Variants in FAM13A observed in about 807,000 individuals in gnomAD.
The protein encoded by FAM13A is family with sequence similarity 13 member A.
A neutral mutation model predicts 129.6 loss-of-function variants in FAM13A; 76 were observed. The ratio of observed to expected loss-of-function variants is 0.59; its 90% CI spans 0.49 to 0.71. The LOEUF is 0.71. Ranked by LOEUF, FAM13A falls within the 30% of genes least tolerant of loss-of-function variation. The probability of loss-of-function intolerance (pLI) is 0.00; values close to 1 mark genes in which losing one functional copy is unlikely to be tolerated. For synonymous variants in FAM13A, 443 were observed against 449.9 expected, an observed-to-expected ratio of 0.98 and a Z score of 0.20; for missense variants, 1,108 against 1,249.3, an observed-to-expected ratio of 0.89 and a Z score of 1.70.
intron 7 of FAM13A, among the ~76,000 whole-genome samples, chr4:88,847,629 T>C (rs974303687): frequency 1.3e-5 from 2 of 152,028 alleles, no homozygotes; most frequent in African/African-American, 4.8e-5. Context: ...TCTGATTGGA[T>C]GAATAAAAAT....
intron 4 of FAM13A, among the ~76,000 whole-genome samples, chr4:88,957,270 G>A (rs561670689): frequency 6.6e-6 from 1 of 152,090 alleles, no homozygotes; most frequent in South Asian, 2.1e-4. Flanking sequence ...AGGTTGCAGT[G>A]AGCTGAGGAG....
intron 6 of FAM13A, among the ~76,000 whole-genome samples, chr4:88,858,647 A>G (rs1435632666): frequency 6.6e-6 from 1 of 152,210 alleles, no homozygotes; most frequent in Non-Finnish European, 1.5e-5. Flanking sequence ...ACAAAAGGAC[A>G]CATATTGTAT....
intron 7 of FAM13A, among the ~76,000 whole-genome samples, chr4:88,828,980 A>G (rs1733470914): frequency 6.6e-6 from 1 of 152,128 alleles, no homozygotes; most frequent in African/African-American, 2.4e-5. Context: ...CAGATTTCTA[A>G]TTTTCTTACA....
At chr4:88,923,767 C>G (rs1425462266) in intron 5 of FAM13A, among the ~76,000 whole-genome samples, 1 of 152,140 alleles carries the variant, frequency 6.6e-6, no homozygotes, top group Non-Finnish European at 1.5e-5. Flanking sequence ...CAAAGTGTCC[C>G]TGTTTGCAGA....
rs1738403737 is a variant in FAM13A at position 88,733,828 on chromosome 4, G to A, written c.2647-1630C>T. ...AACAGAGTTAGGGACAGCTAACAGA[G>A]TTACAAATAAGAACTTAACGACCTT... On this transcript the variant is annotated intron_variant, in intron 21 of 23. Transcript: ENST00000264344. Among the ~76,000 whole-genome samples the A allele has an allele frequency of 2.0e-5, 3 of 152,246 alleles. No individual in the cohort carries two copies. The South Asian group carries it at 6.2e-4, about 31-fold the overall frequency.
intron 7 of FAM13A, among the ~76,000 whole-genome samples, chr4:88,840,838 T>G (rs534172578): frequency 6.6e-6 from 1 of 152,268 alleles, no homozygotes; most frequent in South Asian, 2.1e-4. Flanking sequence ...TTTGAAAAAT[T>G]AGGTTCAGAT....
At chr4:88,781,907 G>T (rs577363613) in intron 10 of FAM13A, among the ~76,000 whole-genome samples, 4 of 150,960 alleles carry the variant, frequency 2.6e-5, no homozygotes, top group South Asian at 2.1e-4. Flanking sequence ...GAGTTAATGG[G>T]TGCAGCACAC....
rs199744313 is a variant in FAM13A, at chr4:88,884,205, A to AC, written c.843+22173_843+22174insG. Among the ~76,000 whole-genome samples the AC allele has an allele frequency of 1.2e-4, 18 of 151,974 alleles. No individual in the cohort carries two copies. The East Asian group carries it at 3.5e-3, about 29-fold the overall frequency. ...ACCAAAACCAGGAAAGGACATAACAAAAAAAAGAAAACAACAGACCAATAT... is the reference window on the plus strand; with the variant it reads ...ACCAAAACCAGGAAAGGACATAACAACAAAAAAGAAAACAACAGACCAATAT... On this transcript the variant is annotated intron_variant, in intron 6 of 23. Coordinates refer to ENST00000264344, the MANE Select transcript of FAM13A (RefSeq NM_014883.4).
At chr4:88,972,985 A>G (rs1358753803) in intron 4 of FAM13A, among the ~76,000 whole-genome samples, 1 of 152,180 alleles carries the variant, frequency 6.6e-6, no homozygotes, top group East Asian at 1.9e-4. Flanking sequence ...TAAATATTTT[A>G]TCCACACTCT....
chr4:88,855,408 C>G (rs1315473089), intron 6 of FAM13A: 3 of 151,756 alleles, frequency 2.0e-5, no homozygotes, highest in South Asian at 2.1e-4. Flanking sequence ...TCTAAATAAC[C>G]AAATTACTAT....
intron 1 of FAM13A, among the ~76,000 whole-genome samples, chr4:89,043,469 C>T (rs1338394453): frequency 6.6e-6 from 1 of 152,064 alleles, no homozygotes; most frequent in Non-Finnish European, 1.5e-5. Context: ...ACCTGAAAGG[C>T]TACTTTGGCC....
chr4:88,733,561 T>C (rs1322849888), intron 21 of FAM13A, among the ~76,000 whole-genome samples: 1 of 152,206 alleles, frequency 6.6e-6, no homozygotes, highest in Non-Finnish European at 1.5e-5. Context: ...AAGGCACACC[T>C]GGGACACTGG....
chr4:88,931,587 C>T (rs932588810), intron 5 of FAM13A, among the ~76,000 whole-genome samples: 2 of 152,138 alleles, frequency 1.3e-5, no homozygotes, highest in African/African-American at 2.4e-5. Context: ...ACTTACTATT[C>T]TGGTCCCTCT....
At chr4:88,931,808 C>G (rs762086946) in intron 5 of FAM13A, among the ~76,000 whole-genome samples, 1 of 152,170 alleles carries the variant, frequency 6.6e-6, no homozygotes, top group Non-Finnish European at 1.5e-5. Flanking sequence ...TAAGTGCCAC[C>G]TCTGAGTTTC....
intron 4 of FAM13A, among the ~76,000 whole-genome samples, chr4:88,967,512 C>T (rs1759508464): frequency 2.0e-5 from 3 of 152,154 alleles, no homozygotes; most frequent in Admixed American, 6.6e-5. Context: ...CATTTTAACT[C>T]TTGTAGTGGG....
In FAM13A at chr4:88,945,964, CTG is replaced by C. The variant is rs763159585; in HGVS notation, c.606-7725_606-7724del. Among the ~76,000 whole-genome samples, 124 of 70,804 alleles carry C rather than the reference CTG, an allele frequency of 1.8e-3. 1 individual carries two copies. Among genetic ancestry groups the C allele is most frequent in the Middle Eastern group, 8.3e-3 (1 of 120 alleles). 46.5% of individuals were successfully genotyped at this position (70,804 alleles called of 152,430 possible). On this transcript the variant is annotated intron_variant, in intron 4 of 23. Coordinates refer to ENST00000264344, the MANE Select transcript of FAM13A (RefSeq NM_014883.4). ...TAGTATATTTATACACACATAGTAT[CTG>C]TGTGTGTGTGTGTGTGTGTGTGTGT... is the stretch of plus-strand genomic sequence containing the variant.
chr4:88,900,147 C>T (rs966793584), intron 6 of FAM13A, among the ~76,000 whole-genome samples: 1 of 151,930 alleles, frequency 6.6e-6, no homozygotes, highest in Non-Finnish European at 1.5e-5. Context: ...AGATGTCAAA[C>T]CTAAAACTGA....
intron 8 of FAM13A, among the ~76,000 whole-genome samples, chr4:88,795,712 T>C (rs1435141991): frequency 6.6e-6 from 1 of 151,812 alleles, no homozygotes. Context: ...TTACATAAAT[T>C]GTTGGCTATA....
At chr4:88,782,981 A>G (rs766875492) in intron 10 of FAM13A, among the ~76,000 whole-genome samples, 25 of 151,500 alleles carry the variant, frequency 1.7e-4, no homozygotes, top group Non-Finnish European at 3.1e-4. Context: ...TTTTTTATTT[A>G]TTTTTAATTT....
Sources: gnomAD v4.1 joint callset for allele counts (sites outside exome capture counted in the v4.1 genomes callset) on GRCh38, gnomAD v4.1.1 for gene constraint, MANE v1.5 for transcripts, NCBI Gene and HGNC (gene_info 2026-07-23, HGNC 2026-07-21) for gene names.